SLC25A48: variants seen among roughly 807,000 people sequenced by gnomAD.
The protein encoded by SLC25A48 is CTC-321K16.1.
Under a neutral mutation model 32.2 loss-of-function variants are expected in SLC25A48, and 29 were observed. The ratio of observed to expected loss-of-function variants is 0.90; its 90% CI spans 0.67 to 1.23. The LOEUF (loss-of-function observed/expected upper bound fraction) is 1.23, where lower values mean the gene tolerates loss of function less well. SLC25A48 is among the 50% of genes most tolerant of loss of function. The probability of loss-of-function intolerance (pLI) is 0.00; values close to 1 mark genes in which losing one functional copy is unlikely to be tolerated. For missense variants in SLC25A48, 399 were observed against 422.7 expected (o/e 0.94, Z 0.49); for synonymous variants, 164 against 172.3 (o/e 0.95, Z 0.38).
chr5:135,688,144 A>G (rs1164921642), intron 3 of SLC25A48, among the ~76,000 whole-genome samples: 3 of 152,246 alleles, frequency 2.0e-5, no homozygotes, highest in African/African-American at 7.2e-5. Flanking sequence ...CTTTTTGTGA[A>G]TGGCTTATTT....
At chr5:135,847,577 G>A (rs1054176549) in intron 2 of SLC25A48, among the ~76,000 whole-genome samples, 5 of 152,168 alleles carry the variant, frequency 3.3e-5, no homozygotes, top group Non-Finnish European at 7.4e-5. Context: ...TATCAGGGAG[G>A]TTCTTAAATG....
chr5:135,601,395 A>G (rs1751792707), intron 1 of SLC25A48, among the ~76,000 whole-genome samples: 1 of 151,970 alleles, frequency 6.6e-6, no homozygotes, highest in African/African-American at 2.4e-5. Flanking sequence ...CATCCTGGGG[A>G]ATCTGGCCTT....
At chr5:135,667,643 T>C (rs1753555337) in intron 3 of SLC25A48, among the ~76,000 whole-genome samples, 1 of 152,244 alleles carries the variant, frequency 6.6e-6, no homozygotes, top group Non-Finnish European at 1.5e-5. Flanking sequence ...TTCCTAAGAC[T>C]CCAGTGAATA....
chr5:135,791,537 A>G (rs1466054983), intron 3 of SLC25A48, among the ~76,000 whole-genome samples: 1 of 151,678 alleles, frequency 6.6e-6, no homozygotes. Context: ...GATATCATTC[A>G]TAATATCCTA....
chr5:135,729,331 G>C (rs1755171970), intron 3 of SLC25A48, among the ~76,000 whole-genome samples: 1 of 151,674 alleles, frequency 6.6e-6, no homozygotes, highest in African/African-American at 2.4e-5. Context: ...AAGAGAGAAT[G>C]TTTTGTTTGA....
At chr5:135,758,564 A>T (rs1169439294) in intron 3 of SLC25A48, among the ~76,000 whole-genome samples, 2 of 150,960 alleles carry the variant, frequency 1.3e-5, no homozygotes, top group East Asian at 4.0e-4. Flanking sequence ...ACACTATATT[A>T]ATAGAATATC....
At chr5:135,685,063 A>G (rs1322584252) in intron 3 of SLC25A48, among the ~76,000 whole-genome samples, 2 of 152,164 alleles carry the variant, frequency 1.3e-5, no homozygotes, top group Non-Finnish European at 2.9e-5. Flanking sequence ...CTTTGCCTGC[A>G]TTATATTATC....
At chr5:135,821,391 C>A (rs973714893) in intron 4 of SLC25A48, among the ~76,000 whole-genome samples, 1 of 152,198 alleles carries the variant, frequency 6.6e-6, no homozygotes, top group Non-Finnish European at 1.5e-5. Context: ...AGACTGGTGT[C>A]TCAGCCCCAC....
At chr5:135,653,321 A>G (rs1753162809) in intron 3 of SLC25A48, among the ~76,000 whole-genome samples, 1 of 152,224 alleles carries the variant, frequency 6.6e-6, no homozygotes, top group Non-Finnish European at 1.5e-5. Context: ...TTGCAGCTAT[A>G]TAATGGGGGC....
At chr5:135,684,832 T>A (rs1329768413) in intron 3 of SLC25A48, among the ~76,000 whole-genome samples, 6 of 152,230 alleles carry the variant, frequency 3.9e-5, no homozygotes, top group Non-Finnish European at 8.8e-5. Context: ...TTTTACATAG[T>A]CAGTTTCCCA....
chr5:135,789,400 C>T (rs117193836), intron 3 of SLC25A48, among the ~76,000 whole-genome samples: 1 of 150,046 alleles, frequency 6.7e-6, no homozygotes, highest in Non-Finnish European at 1.5e-5. Flanking sequence ...GGTGTTATTA[C>T]TCCCCAGGTG....
At chr5:135,723,542 TAA>T (rs368363297) in intron 3 of SLC25A48, among the ~76,000 whole-genome samples, 13 of 134,410 alleles carry the variant, frequency 9.7e-5, no homozygotes, top group Non-Finnish European at 1.1e-4. Flanking sequence ...TTTTTTTCAC[TAA>T]AAAAAAAAAA....
At chr5:135,757,462 C>T (rs996852395) in intron 3 of SLC25A48, among the ~76,000 whole-genome samples, 5 of 148,836 alleles carry the variant, frequency 3.4e-5, no homozygotes, top group African/African-American at 1.2e-4. Context: ...CTAGTGTTAA[C>T]ACACAATAAT....
At chr5:135,870,524 T>C (rs1761552510) in intron 4 of SLC25A48, among the ~76,000 whole-genome samples, 1 of 152,172 alleles carries the variant, frequency 6.6e-6, no homozygotes, top group Non-Finnish European at 1.5e-5. Context: ...CAGCATAGAC[T>C]ACTGAGGTTA....
At chr5:135,858,114 A>G (rs1760484719) in intron 4 of SLC25A48, among the ~76,000 whole-genome samples, 1 of 152,182 alleles carries the variant, frequency 6.6e-6, no homozygotes, top group East Asian at 1.9e-4. Context: ...CTGTGGTGCC[A>G]GAAGGAAACC....
chr5:135,689,443 C>A (rs1052083728), intron 3 of SLC25A48, among the ~76,000 whole-genome samples: 1 of 152,150 alleles, frequency 6.6e-6, no homozygotes, highest in Admixed American at 6.5e-5. Context: ...AGCACCGGCA[C>A]CTGGTGACAG....
chr5:135,595,209 C>A (rs1163031262), intron 1 of SLC25A48, among the ~76,000 whole-genome samples: 1 of 152,224 alleles, frequency 6.6e-6, no homozygotes, highest in African/African-American at 2.4e-5. Context: ...CACTCTCATG[C>A]AGCCCCTGTC....
In SLC25A48 at chr5:135,772,516, G is replaced by A. The variant is rs1756439742; in HGVS notation, c.-520-40007G>A. Among the ~76,000 whole-genome samples, 3 of 151,514 alleles carry A rather than the reference G, an allele frequency of 2.0e-5. No homozygotes were observed. The South Asian group carries it at 6.2e-4, about 31-fold the overall frequency. On this transcript the variant is annotated intron_variant, in intron 3 of 10. Coordinates refer to the SLC25A48 transcript ENST00000646290. ...GAATAATACTACTCCCAATATTGCAGCGAGTGTACGCCCCCTATGATATTG... is the reference window on the plus strand; with the variant it reads ...GAATAATACTACTCCCAATATTGCAACGAGTGTACGCCCCCTATGATATTG...
At chr5:135,686,457 C>T (rs556154028) in intron 3 of SLC25A48, among the ~76,000 whole-genome samples, 2 of 152,318 alleles carry the variant, frequency 1.3e-5, no homozygotes, top group East Asian at 1.9e-4. Context: ...CCATTTATCT[C>T]GCATGTCTCA....
Sources: gnomAD v4.1 joint callset for allele counts (sites outside exome capture counted in the v4.1 genomes callset) on GRCh38, gnomAD v4.1.1 for gene constraint, MANE v1.5 for transcripts, NCBI Gene and HGNC (gene_info 2026-07-23, HGNC 2026-07-21) for gene names.